Variants in BPIFC observed in about 807,000 individuals in gnomAD.
The protein encoded by BPIFC is BPI fold-containing family C protein.
In BPIFC, 60 loss-of-function variants were observed where a neutral mutation model predicts 57.6. The ratio of observed to expected loss-of-function variants is 1.04; its 90% CI spans 0.85 to 1.29. The LOEUF is 1.29. Ranked by LOEUF, BPIFC falls within the 50% of genes most tolerant of loss-of-function variation. BPIFC has a pLI of 0.00. For missense variants in BPIFC, 581 were observed against 600.5 expected (o/e 0.97, Z 0.34); for synonymous variants, 243 against 224.5 (o/e 1.08, Z -0.74).
chr22:32,460,177 C>T (rs1403046018), intron 2 of BPIFC, among the ~76,000 whole-genome samples: 3 of 152,204 alleles, frequency 2.0e-5, no homozygotes, highest in Non-Finnish European at 4.4e-5. Context: ...AAGGCCACTG[C>T]TAGCCTATCT....
chr22:32,435,966 GAAT>G, intron 9 of BPIFC, 86 bp from the exon 10 acceptor site: 1 of 1,443,308 alleles, frequency 6.9e-7, no homozygotes, highest in Non-Finnish European at 9.3e-7. Flanking sequence ...TCTGAAGTCA[GAAT>G]AAGAATTCCA....
chr22:32,431,523 TAAAGACATTGGAAGTCTA>T (rs1934242870), intron 12 of BPIFC, 109 bp from the exon 13 acceptor site: 1 of 738,430 alleles, frequency 1.4e-6, no homozygotes. Context: ...CCCCTTAGTG[TAAAGACATTGGAAGTCTA>T]AAAGACATTG....
intron 13 of BPIFC, among the ~76,000 whole-genome samples, chr22:32,426,852 A>C (rs1347629514): frequency 1.3e-5 from 2 of 151,574 alleles, no homozygotes; most frequent in Non-Finnish European, 2.9e-5. Context: ...AGATCGTGCC[A>C]CTGCACTCCA....
chr22:32,432,490 T>G lies in BPIFC; in HGVS notation c.1032A>C (p.Thr344=). 1 of 1,614,144 alleles carries G rather than the reference T, an allele frequency of 6.2e-7. No homozygotes were observed. The highest frequency in any genetic ancestry group is 1.1e-5 in the South Asian group (1 of 91,074). ...SQPFMVRIMA[T]EPPIINLQPG... is the part of the protein sequence containing the mutation. ...GTTGTAGATTGATTATGGGAGGCTC[T>G]GTGGCCATGATCCTCACCATGAAGG... The change falls in exon 12 of 17, where the codon ACA becomes ACC. Residue 344 remains threonine (T), a synonymous_variant. Coordinates refer to ENST00000300399, the MANE Select transcript of BPIFC (RefSeq NM_174932.3).
chr22:32,428,736 A>G (rs1934143482), intron 13 of BPIFC, among the ~76,000 whole-genome samples: 1 of 151,740 alleles, frequency 6.6e-6, no homozygotes. Context: ...CATCTCTACT[A>G]AAAAATACAA....
intron 4 of BPIFC, among the ~76,000 whole-genome samples, chr22:32,449,431 C>A (rs1295062283): frequency 6.6e-6 from 1 of 152,212 alleles, no homozygotes; most frequent in Admixed American, 6.5e-5. Context: ...CAATTATTTG[C>A]TAATAATATT....
In BPIFC at chr22:32,431,357, A is replaced by G; in HGVS notation, c.1207T>C (p.Ser403Pro). 2 of 1,611,972 alleles carry G rather than the reference A, an allele frequency of 1.2e-6. No homozygotes were observed. Among genetic ancestry groups the G allele is most frequent in the Non-Finnish European group, 1.7e-6 (2 of 1,178,278 alleles). Residue 403 changes from serine (S) to proline (P), a missense_variant, in exon 13 of 17, where the codon TCT (serine) becomes CCT (proline). Transcript: ENST00000300399. ...ATTGATTGATCTTACCTGTTCAGAG[A>G]CAAGGAGCAGACCAGTCTTTGTCCC... ...ILGQRLVCSLSLNRFRLALPE... is the reference protein window; with the variant it reads ...ILGQRLVCSLPLNRFRLALPE...
At chr22:32,420,189 G>A (rs1933803932) in intron 13 of BPIFC, among the ~76,000 whole-genome samples, 1 of 151,886 alleles carries the variant, frequency 6.6e-6, no homozygotes, top group Non-Finnish European at 1.5e-5. Flanking sequence ...ATGGTGGTGG[G>A]CACCTCTAGT....
chr22:32,459,692 A>C (rs745570224), intron 2 of BPIFC, among the ~76,000 whole-genome samples: 78 of 151,622 alleles, frequency 5.1e-4, no homozygotes, highest in Non-Finnish European at 1.1e-3. Flanking sequence ...TTAAAAAAAA[A>C]ACTAAAAAAT....
At chr22:32,456,166 T>C (rs1935032518) in intron 3 of BPIFC, among the ~76,000 whole-genome samples, 1 of 152,260 alleles carries the variant, frequency 6.6e-6, no homozygotes, top group African/African-American at 2.4e-5. Flanking sequence ...TGTTACAAGA[T>C]ATCTGTTTCT....
At chr22:32,439,986 G>A (rs79501820) in intron 8 of BPIFC, among the ~76,000 whole-genome samples, 1 of 152,200 alleles carries the variant, frequency 6.6e-6, no homozygotes, top group Non-Finnish European at 1.5e-5. Flanking sequence ...GATGTGGTGA[G>A]TGAGGCTCAG....
chr22:32,442,908 G>A (rs115565698), intron 7 of BPIFC, among the ~76,000 whole-genome samples, 177 bp from the exon 8 acceptor site: 47 of 152,268 alleles, frequency 3.1e-4, no homozygotes, highest in Admixed American at 1.5e-3. Flanking sequence ...ACGTAGATAC[G>A]GGTGGTATGT....
At chr22:32,450,141 C>CAT (rs375661688) in intron 4 of BPIFC, among the ~76,000 whole-genome samples, 1 of 147,786 alleles carries the variant, frequency 6.8e-6, no homozygotes, top group Non-Finnish European at 1.5e-5. Flanking sequence ...CACACACACA[C>CAT]ATATATACAC....
chr22:32,446,547 C>G (rs571453227), intron 5 of BPIFC, among the ~76,000 whole-genome samples: 10 of 152,296 alleles, frequency 6.6e-5, no homozygotes, highest in African/African-American at 2.4e-4. Context: ...TGTCATTTCT[C>G]TACAATCTAC....
intron 4 of BPIFC, among the ~76,000 whole-genome samples, chr22:32,448,244 A>C (rs1427058673): frequency 1.3e-5 from 2 of 151,746 alleles, no homozygotes; most frequent in African/African-American, 4.8e-5. Context: ...AATTTTTTGT[A>C]TTTTTAGTAG....
At chr22:32,460,252 T>G (rs571113909) in intron 2 of BPIFC, among the ~76,000 whole-genome samples, 13 of 152,226 alleles carry the variant, frequency 8.5e-5, no homozygotes, top group African/African-American at 2.9e-4. Flanking sequence ...TGGCACAAAG[T>G]GGAGCCAGTG....
At chr22:32,420,633 A>G (rs1244647649) in intron 13 of BPIFC, among the ~76,000 whole-genome samples, 3 of 152,232 alleles carry the variant, frequency 2.0e-5, no homozygotes, top group Non-Finnish European at 4.4e-5. Context: ...CAACTATGAA[A>G]TATGAATAAG....
intron 9 of BPIFC, among the ~76,000 whole-genome samples, chr22:32,437,514 C>T (rs1409269780): frequency 6.6e-6 from 1 of 152,128 alleles, no homozygotes; most frequent in Non-Finnish European, 1.5e-5. Flanking sequence ...CCTCAGCTTC[C>T]CAAACAGCTG....
chr22:32,427,942 G>C (rs1276730140), intron 13 of BPIFC, among the ~76,000 whole-genome samples: 1 of 152,124 alleles, frequency 6.6e-6, no homozygotes, highest in Non-Finnish European at 1.5e-5. Flanking sequence ...AGCCCAGATC[G>C]TGCCACTGCA....
Sources: gnomAD v4.1 joint callset for allele counts (sites outside exome capture counted in the v4.1 genomes callset) on GRCh38, gnomAD v4.1.1 for gene constraint, MANE v1.5 for transcripts, NCBI Gene and HGNC (gene_info 2026-07-23, HGNC 2026-07-21) for gene names.